Variants in XRN1 observed in about 807,000 individuals in gnomAD.
The protein encoded by XRN1 is 5'-3' exoribonuclease 1.
A neutral mutation model predicts 222.3 loss-of-function variants in XRN1; 67 were observed. The ratio of observed to expected loss-of-function variants is 0.30; its 90% confidence interval spans 0.25 to 0.37. The LOEUF (loss-of-function observed/expected upper bound fraction) is 0.37, where lower values mean the gene tolerates loss of function less well. XRN1 is among the 10% of genes least tolerant of loss of function. The pLI is 1.00. For synonymous variants in XRN1, 643 were observed against 652.4 expected, an observed-to-expected ratio of 0.99 and a Z score of 0.22; for missense variants, 1,707 against 2,000.2, an observed-to-expected ratio of 0.85 and a Z score of 2.80.
rs746980400 is a variant in XRN1 at position 142,335,468 on chromosome 3, G to C, written c.3919C>G (p.Gln1307Glu). 4 of 1,613,546 alleles carry C rather than the reference G, an allele frequency of 2.5e-6. No individual in the cohort carries two copies. In the South Asian group the frequency reaches 3.3e-5, roughly 13 times the overall value. ...CTTACCTGCTTATTGGACATTTTTT[G>C]GGACCAACACTCAGCTTTAGGACTC... ...CKSPKAECWS[Q>E]KMSNKQPNSG... The change falls in exon 34 of 41, where the codon CAA (glutamine) becomes GAA (glutamate). Residue 1307 changes from glutamine to glutamate, a missense_variant. By Grantham distance (29) the Gln-to-Glu change is conservative. This residue lies in a region of XRN1 where 473 missense variants were observed against 482.0 expected (regional missense o/e 0.98). Transcript: ENST00000392981.
At chr3:142,323,306 T>A (rs573055962) in intron 37 of XRN1, among the ~76,000 whole-genome samples, 37 of 151,616 alleles carry the variant, frequency 2.4e-4, no homozygotes, top group South Asian at 6.3e-4. Context: ...TTTTTTTTTT[T>A]AAATGGAGTT....
At chr3:142,361,097 G>A (rs2066615970) in intron 29 of XRN1, among the ~76,000 whole-genome samples, 1 of 152,080 alleles carries the variant, frequency 6.6e-6, no homozygotes, top group Non-Finnish European at 1.5e-5. Context: ...GTCACCATAG[G>A]TTACTTTACA....
chr3:142,423,605 GA>G lies in XRN1; in HGVS notation c.664del (p.Ser222LeufsTer3). 2 of 1,599,448 alleles carry G rather than the reference GA, an allele frequency of 1.3e-6. No individual in the cohort carries two copies. The highest frequency in any genetic ancestry group is 8.5e-7 in the Non-Finnish European group (1 of 1,174,398). On this transcript the variant is annotated frameshift_variant, in exon 6 of 41. Transcript: ENST00000392981. LOFTEE classifies it high-confidence loss of function. ...AAATCGAACTTCTTCTCTTAAGAGA[GA>G]AAAATGTGCCTCATGACTTGTTAAT... is the stretch of plus-strand genomic sequence containing the variant. The part of the protein sequence containing the change: ...LGLTSHEAHF[S>X]LLREEVRFGG...
intron 25 of XRN1, among the ~76,000 whole-genome samples, chr3:142,374,982 C>T (rs952837563): frequency 7.9e-5 from 12 of 152,162 alleles, no homozygotes; most frequent in African/African-American, 2.9e-4. Context: ...CCAGCGAGAA[C>T]ATCACATAAA....
At chr3:142,363,960 T>A (rs1189424871) in intron 29 of XRN1, among the ~76,000 whole-genome samples, 1 of 152,226 alleles carries the variant, frequency 6.6e-6, no homozygotes, top group Admixed American at 6.5e-5. Context: ...CTTTTAGTTA[T>A]GTGGGCAGGA....
intron 22 of XRN1, among the ~76,000 whole-genome samples, chr3:142,380,385 A>G (rs2067267133): frequency 6.6e-6 from 1 of 152,178 alleles, no homozygotes; most frequent in Admixed American, 6.5e-5. Context: ...GACAGGATCT[A>G]TAATACTATA....
intron 33 of XRN1, among the ~76,000 whole-genome samples, chr3:142,346,909 T>A (rs1392510292): frequency 6.6e-6 from 1 of 152,156 alleles, no homozygotes; most frequent in African/African-American, 2.4e-5. Flanking sequence ...AAGCCAGTCA[T>A]AAAAGTTCAT....
intron 13 of XRN1, among the ~76,000 whole-genome samples, chr3:142,415,785 C>A (rs2068761444): frequency 6.6e-6 from 1 of 152,198 alleles, no homozygotes; most frequent in Non-Finnish European, 1.5e-5. Context: ...GAGCCTAGCA[C>A]AGGTGCTTTG....
intron 10 of XRN1, among the ~76,000 whole-genome samples, chr3:142,419,698 T>G (rs1285676179): frequency 1.3e-5 from 2 of 151,858 alleles, no homozygotes; most frequent in African/African-American, 4.8e-5. Flanking sequence ...TCCCAGGTAC[T>G]CAGGAGGCTG....
chr3:142,373,095 T>C (rs2067034067), intron 25 of XRN1, among the ~76,000 whole-genome samples: 1 of 151,948 alleles, frequency 6.6e-6, no homozygotes, highest in South Asian at 2.1e-4. Flanking sequence ...AAAAAAGCAA[T>C]TAGAGAAAAC....
intron 30 of XRN1, among the ~76,000 whole-genome samples, chr3:142,357,784 C>G (rs186862176): frequency 6.6e-6 from 1 of 151,986 alleles, no homozygotes; most frequent in Admixed American, 6.5e-5. Context: ...TAATCCCAGC[C>G]ACAGCACTTG....
At chr3:142,322,412 C>T (rs1298447072) in intron 37 of XRN1, among the ~76,000 whole-genome samples, 1 of 152,098 alleles carries the variant, frequency 6.6e-6, no homozygotes, top group African/African-American at 2.4e-5. Context: ...GATGGTCGGG[C>T]GCAGTGGCTC....
rs762496920 is a variant in XRN1, at chr3:142,418,420, C to T, written c.1346+84G>A. The T allele has an allele frequency of 4.1e-4, 449 of 1,101,206 alleles. 1 individual carries two copies. Among genetic ancestry groups the T allele is most frequent in the Admixed American group, 6.6e-4 (26 of 39,634 alleles). The allele number at this position is 1,101,206 out of a possible 1,614,324, so 68.2% of individuals were successfully genotyped here. A position where few individuals can be genotyped will look rare whatever the true frequency, so the allele number is the denominator to read the frequency against. On this transcript the variant is annotated intron_variant, in intron 12 of 40. Transcript: ENST00000392981. ...AAACCAAAAAATCCTTTTTCTCCCA[C>T]TACTTCATCAAAATCATATTTTCTG... is the stretch of plus-strand genomic sequence containing the variant.
At chr3:142,408,538 T>C (rs2068440091) in intron 15 of XRN1, among the ~76,000 whole-genome samples, 1 of 152,216 alleles carries the variant, frequency 6.6e-6, no homozygotes, top group African/African-American at 2.4e-5. Context: ...AGTTTCTAAT[T>C]TTGGAGCATT....
rs758957611 is a variant in XRN1 at position 142,311,805 on chromosome 3, T to C, written c.4791A>G (p.Lys1597=). 3 of 1,587,596 alleles carry C rather than the reference T, an allele frequency of 1.9e-6. No individual in the cohort carries two copies. The highest frequency in any genetic ancestry group is 2.6e-6 in the Non-Finnish European group (3 of 1,169,130). ...HNQFIPLQVT[K]KRVANKKNFE... Reference sequence around the variant, plus strand: ...AGTTCTTTTTGTTTGCAACCCTTTTTTTAGTAACCTGTTAGGAATAAAAGC... The same window carrying C: ...AGTTCTTTTTGTTTGCAACCCTTTTCTTAGTAACCTGTTAGGAATAAAAGC... The change falls in exon 41 of 41, where the codon AAA becomes AAG. Residue 1597 remains lysine, a synonymous_variant. Coordinates refer to ENST00000392981, the MANE Select transcript of XRN1 (RefSeq NM_001282857.2).
chr3:142,442,729 C>CTTTTCA (rs1218471662), intron 1 of XRN1, among the ~76,000 whole-genome samples: 7 of 152,004 alleles, frequency 4.6e-5, no homozygotes, highest in African/African-American at 1.7e-4. Flanking sequence ...ATCCCTGTAT[C>CTTTTCA]TTTTTATTTT....
intron 37 of XRN1, among the ~76,000 whole-genome samples, chr3:142,319,423 T>C (rs2065289808): frequency 6.6e-6 from 1 of 152,208 alleles, no homozygotes. Flanking sequence ...TATAAAAGAC[T>C]CAGAGATTCT....
At chr3:142,429,153 T>C (rs2069401607) in intron 2 of XRN1, among the ~76,000 whole-genome samples, 1 of 148,848 alleles carries the variant, frequency 6.7e-6, no homozygotes, top group African/African-American at 2.5e-5. Flanking sequence ...TCTTTTTTTT[T>C]TTTTTTTTTT....
intron 23 of XRN1, 40 bp downstream of exon 23, chr3:142,380,042 T>C: frequency 6.6e-7 from 1 of 1,517,664 alleles, no homozygotes; most frequent in East Asian, 2.3e-5. Flanking sequence ...TTTAAAAGTT[T>C]ATCAATTCTA....
Sources: allele counts gnomAD v4.1 joint callset (sites outside exome capture counted in the v4.1 genomes callset), GRCh38; gene constraint gnomAD v4.1.1; regional missense constraint gnomAD v4.1.1; transcripts MANE v1.5; gene names NCBI Gene and HGNC (gene_info 2026-07-23, HGNC 2026-07-21).